OR10J1: variants seen among roughly 807,000 people sequenced by gnomAD.
The protein encoded by OR10J1 is olfactory receptor family 10 subfamily J member 1.
For synonymous variants in OR10J1, 202 were observed against 143.8 expected, an observed-to-expected ratio of 1.40 and a Z score of -2.89; for missense variants, 474 against 376.6, an observed-to-expected ratio of 1.26 and a Z score of -2.14.
the OR10J1 span, among the ~76,000 whole-genome samples, chr1:159,431,108 G>A: frequency 2.0e-5 from 3 of 152,292 alleles, no homozygotes; most frequent in Non-Finnish European, 4.4e-5. Context: ...ACGGAACGGG[G>A]AGACTCGGGT....
the OR10J1 span, among the ~76,000 whole-genome samples, chr1:159,406,842 C>T: frequency 6.6e-6 from 1 of 152,120 alleles, no homozygotes; most frequent in African/African-American, 2.4e-5. Context: ...CCAGCAAAGA[C>T]TGCCCTGGGA....
At chr1:159,423,778 C>A in the OR10J1 span, among the ~76,000 whole-genome samples, 1 of 152,180 alleles carries the variant, frequency 6.6e-6, no homozygotes, top group Non-Finnish European at 1.5e-5. Flanking sequence ...AAGAAGAATT[C>A]TGAGAGAATA....
At chr1:159,412,948 G>T in the OR10J1 span, among the ~76,000 whole-genome samples, 1 of 151,706 alleles carries the variant, frequency 6.6e-6, no homozygotes, top group Non-Finnish European at 1.5e-5. Context: ...TCTGACAAAG[G>T]GCTAATATCC....
At chr1:159,429,924 G>A in the OR10J1 span, among the ~76,000 whole-genome samples, 1 of 152,086 alleles carries the variant, frequency 6.6e-6, no homozygotes, top group Non-Finnish European at 1.5e-5. Context: ...TACAATGGGA[G>A]TCCTGGAAAT....
At position 159,440,433 on chromosome 1, in the gene OR10J1, C is replaced by T; in HGVS notation, c.642C>T (p.Phe214=). ...TTGTTGTACCTATGGGTCTGGTTTT[C>T]ATTTCTTATGTTCTCATTATCTCTA... The part of the protein sequence containing the change: ...LVLVVPMGLV[F]ISYVLIISTI... The change falls in exon 1 of 1, where the codon TTC becomes TTT. Residue 214 remains phenylalanine, a synonymous_variant. Transcript: ENST00000423932. 1 of 1,614,136 alleles carries T rather than the reference C, an allele frequency of 6.2e-7. No individual in the cohort carries two copies. The highest frequency in any genetic ancestry group is 1.1e-5 in the South Asian group (1 of 91,064).
chr1:159,429,933 A>G, the OR10J1 span, among the ~76,000 whole-genome samples: 12 of 152,156 alleles, frequency 7.9e-5, no homozygotes, highest in African/African-American at 2.9e-4. Flanking sequence ...AGTCCTGGAA[A>G]TTCTAGTTTC....
upstream of OR10J1, chr1:159,439,694 A>G: frequency 7.0e-7 from 1 of 1,436,472 alleles, no homozygotes; most frequent in Non-Finnish European, 9.6e-7. Context: ...GTAACTGAGA[A>G]CTATTGAACT....
chr1:159,428,716 G>A, the OR10J1 span, among the ~76,000 whole-genome samples: 6 of 152,098 alleles, frequency 3.9e-5, no homozygotes, highest in South Asian at 2.1e-4. Flanking sequence ...AATAGCTTAT[G>A]AGCTCAAGTA....
At chr1:159,417,252 T>G in the OR10J1 span, among the ~76,000 whole-genome samples, 8 of 152,216 alleles carry the variant, frequency 5.3e-5, no homozygotes, top group African/African-American at 1.9e-4. Flanking sequence ...AGTCTTGGTA[T>G]GTTGTGTTTC....
chr1:159,401,409 AG>A, the OR10J1 span, among the ~76,000 whole-genome samples: 1 of 152,024 alleles, frequency 6.6e-6, no homozygotes, highest in African/African-American at 2.4e-5. Context: ...TCAGAAATGA[AG>A]AAGGTGGCAT....
the OR10J1 span, among the ~76,000 whole-genome samples, chr1:159,404,204 G>A: frequency 6.6e-6 from 1 of 152,032 alleles, no homozygotes; most frequent in Non-Finnish European, 1.5e-5. Context: ...TAGCACAACA[G>A]GATGACTATA....
chr1:159,397,643 C>A, the OR10J1 span, among the ~76,000 whole-genome samples: 1 of 152,054 alleles, frequency 6.6e-6, no homozygotes, highest in Non-Finnish European at 1.5e-5. Flanking sequence ...GCGGTGGGGG[C>A]TATGGGGGTG....
At chr1:159,439,389 A>G (rs558113577), upstream of OR10J1, among the ~76,000 whole-genome samples, 6 of 152,324 alleles carry the variant, frequency 3.9e-5, no homozygotes, top group South Asian at 1.2e-3. Context: ...AATAATCCAA[A>G]TAAACATGAG....
the OR10J1 span, among the ~76,000 whole-genome samples, chr1:159,411,378 G>A: frequency 1.3e-5 from 2 of 152,102 alleles, no homozygotes; most frequent in Non-Finnish European, 2.9e-5. Context: ...GAATCTGGGT[G>A]CTCCTGTATT....
At chr1:159,415,097 G>A in the OR10J1 span, among the ~76,000 whole-genome samples, 4,021 of 151,792 alleles carry the variant, frequency 0.026, 172 homozygotes, top group African/African-American at 0.092. Flanking sequence ...TTATCTGTTT[G>A]TTTTTATCTA....
the OR10J1 span, among the ~76,000 whole-genome samples, chr1:159,416,529 A>G: frequency 6.6e-6 from 1 of 151,096 alleles, no homozygotes; most frequent in East Asian, 1.9e-4. Flanking sequence ...CATCAGGAGC[A>G]TTTTACTGTA....
At chr1:159,419,036 A>G in the OR10J1 span, among the ~76,000 whole-genome samples, 1 of 152,186 alleles carries the variant, frequency 6.6e-6, no homozygotes, top group Admixed American at 6.5e-5. Flanking sequence ...CAATGCTTGC[A>G]ACCCCATTGT....
the OR10J1 span, among the ~76,000 whole-genome samples, chr1:159,412,123 C>G: frequency 6.6e-6 from 1 of 152,056 alleles, no homozygotes; most frequent in South Asian, 2.1e-4. Flanking sequence ...AGGAAGCCAT[C>G]TTACAAGGGA....
At chr1:159,404,440 G>A in the OR10J1 span, among the ~76,000 whole-genome samples, 1 of 152,042 alleles carries the variant, frequency 6.6e-6, no homozygotes, top group African/African-American at 2.4e-5. Flanking sequence ...TGCAGGTTGT[G>A]CAGTGCGCGA....
Sources: allele counts gnomAD v4.1 joint callset (sites outside exome capture counted in the v4.1 genomes callset), GRCh38; gene constraint gnomAD v4.1.1; transcripts MANE v1.5; gene names NCBI Gene and HGNC (gene_info 2026-07-23, HGNC 2026-07-21).